The following CCSER1 variants were observed in gnomAD, a reference collection of about 807,000 sequenced individuals.
CCSER1 encodes serine-rich coiled-coil domain-containing protein 1.
Under a neutral mutation model 82.0 loss-of-function variants are expected in CCSER1, and 41 were observed. The observed-to-expected ratio is 0.50, with a 90% CI of 0.39 to 0.65. CCSER1 has a LOEUF of 0.65. Among genes scored for constraint, CCSER1 ranks in the 30% least tolerant of loss-of-function variants. The probability of loss-of-function intolerance (pLI) is 0.00; values close to 1 mark genes in which losing one functional copy is unlikely to be tolerated. For synonymous variants in CCSER1, 414 were observed against 383.9 expected, an observed-to-expected ratio of 1.08 and a Z score of -0.92; for missense variants, 1,119 against 1,064.2, an observed-to-expected ratio of 1.05 and a Z score of -0.72.
rs367574491 is a variant in CCSER1, at chr4:90,210,820, G to A, written c.-42+82989G>A. On this transcript the variant is annotated intron_variant, in intron 1 of 10. Transcript: ENST00000509176. Reference sequence around the variant, plus strand: ...CTAAATGATTGTATGACTTTGTTAGGCAGTGGTTTTGAAAAGCAGAATACT... The same window carrying A: ...CTAAATGATTGTATGACTTTGTTAGACAGTGGTTTTGAAAAGCAGAATACT... Among the ~76,000 whole-genome samples the A allele has an allele frequency of 1.6e-4, 25 of 152,208 alleles. No individual in the cohort carries two copies. The East Asian group carries it at 4.8e-3, about 29-fold the overall frequency.
At chr4:90,291,904 T>C (rs1175086702) in intron 1 of CCSER1, among the ~76,000 whole-genome samples, 1 of 151,982 alleles carries the variant, frequency 6.6e-6, no homozygotes, top group Non-Finnish European at 1.5e-5. Context: ...TCTATTAGAA[T>C]GTTATATTAT....
At chr4:91,006,245 A>G (rs1738492578) in intron 9 of CCSER1, among the ~76,000 whole-genome samples, 1 of 151,478 alleles carries the variant, frequency 6.6e-6, no homozygotes. Flanking sequence ...GGTTAAATTT[A>G]TTCCTGGCGA....
rs1053780736 is a variant in CCSER1, at chr4:90,497,603, A to G, written c.1724+29249A>G. Among the ~76,000 whole-genome samples the G allele has an allele frequency of 2.0e-5, 3 of 152,242 alleles. No individual in the cohort carries two copies. In the South Asian group the frequency reaches 6.2e-4, roughly 32 times the overall value. ...TTGCCAGATTCCACAAAAGAGAAGAAGTAGCTCAATGCAAACATATGTAAC... is the reference window on the plus strand; with the variant it reads ...TTGCCAGATTCCACAAAAGAGAAGAGGTAGCTCAATGCAAACATATGTAAC... On this transcript the variant is annotated intron_variant, in intron 5 of 10. Coordinates refer to ENST00000509176, the MANE Select transcript of CCSER1 (RefSeq NM_001145065.2).
chr4:91,271,136 T>C (rs1741997300), intron 10 of CCSER1, among the ~76,000 whole-genome samples: 1 of 152,194 alleles, frequency 6.6e-6, no homozygotes, highest in Admixed American at 6.5e-5. Context: ...ATCAATATTT[T>C]AGAAAGAAAA....
At chr4:90,835,440 C>T (rs1761688640) in intron 8 of CCSER1, among the ~76,000 whole-genome samples, 1 of 152,154 alleles carries the variant, frequency 6.6e-6, no homozygotes, top group South Asian at 2.1e-4. Flanking sequence ...TGCTATTGGA[C>T]GTATTTGCCA....
chr4:91,084,647 C>T (rs945453970), intron 9 of CCSER1, among the ~76,000 whole-genome samples: 3 of 152,012 alleles, frequency 2.0e-5, no homozygotes, highest in Non-Finnish European at 2.9e-5. Flanking sequence ...GTTTTATATT[C>T]TTTGTCACAT....
chr4:90,210,054 TG>T (rs1473996513), intron 1 of CCSER1, among the ~76,000 whole-genome samples: 4 of 152,212 alleles, frequency 2.6e-5, no homozygotes, highest in Non-Finnish European at 5.9e-5. Context: ...TTGGACTTCC[TG>T]CATAATACTA....
chr4:91,511,457 C>G (rs76650885), intron 10 of CCSER1, among the ~76,000 whole-genome samples: 12,029 of 152,098 alleles, frequency 0.079, 603 homozygotes, highest in South Asian at 0.18. Flanking sequence ...CATAGTAATG[C>G]AATATTTTTT....
intron 10 of CCSER1, among the ~76,000 whole-genome samples, chr4:91,206,888 A>C (rs1736393140): frequency 1.3e-5 from 2 of 151,846 alleles, no homozygotes; most frequent in Admixed American, 1.3e-4. Context: ...GGAATCAACT[A>C]TTTGGGCATT....
chr4:91,568,535 T>C (rs1763008150), intron 10 of CCSER1, among the ~76,000 whole-genome samples: 1 of 152,188 alleles, frequency 6.6e-6, no homozygotes, highest in Non-Finnish European at 1.5e-5. Context: ...CTTGGAAGTT[T>C]TGTTCATTCA....
chr4:90,441,524 C>A (rs901726165), intron 4 of CCSER1, among the ~76,000 whole-genome samples: 1 of 151,946 alleles, frequency 6.6e-6, no homozygotes, highest in African/African-American at 2.4e-5. Flanking sequence ...AACTTTGTGA[C>A]CTTGTCTACA....
intron 10 of CCSER1, among the ~76,000 whole-genome samples, chr4:91,350,144 TTTTG>T (rs147959525): frequency 0.44 from 66,396 of 151,548 alleles, 14,981 homozygotes; most frequent in East Asian, 0.82. Context: ...ACAGTATTAT[TTTTG>T]TTTGTTTTGC....
At chr4:90,811,022 CG>C (rs1482870400) in intron 7 of CCSER1, among the ~76,000 whole-genome samples, 12 of 151,484 alleles carry the variant, frequency 7.9e-5, no homozygotes, top group Admixed American at 5.3e-4. Context: ...TTAGTAGAGA[CG>C]GGGTTTCATT....
chr4:90,688,627 C>A (rs776870786), intron 6 of CCSER1, among the ~76,000 whole-genome samples: 1 of 152,110 alleles, frequency 6.6e-6, no homozygotes, highest in African/African-American at 2.4e-5. Flanking sequence ...TAATTCCTTG[C>A]TGGATGATGT....
intron 7 of CCSER1, chr4:90,780,708 G>A: frequency 3.1e-6 from 4 of 1,306,412 alleles, no homozygotes; most frequent in Non-Finnish European, 3.9e-6. Flanking sequence ...ACGGTCAGGA[G>A]GCCTCCTTGC....
intron 6 of CCSER1, among the ~76,000 whole-genome samples, chr4:90,719,011 T>G (rs1475049496): frequency 1.3e-5 from 2 of 152,110 alleles, no homozygotes; most frequent in East Asian, 3.9e-4. Flanking sequence ...CCGAGTCACA[T>G]TCAGGATACT....
In CCSER1 at chr4:91,100,242, A is replaced by T. The variant is rs188445018; in HGVS notation, c.2217+14248A>T. On this transcript the variant is annotated intron_variant, in intron 10 of 10. Transcript: ENST00000509176. ...TATAAATCAACATTTAATTAAAAGA[A>T]CTACACATTACAAGACCATAATAAT... Among the ~76,000 whole-genome samples, 11 of 152,272 alleles carry T rather than the reference A, an allele frequency of 7.2e-5. No homozygotes were observed. The East Asian group carries it at 1.9e-3, about 27-fold the overall frequency.
intron 3 of CCSER1, among the ~76,000 whole-genome samples, chr4:90,372,183 C>A (rs2153526035): frequency 6.6e-6 from 1 of 152,148 alleles, no homozygotes; most frequent in Non-Finnish European, 1.5e-5. Context: ...AAAAATGATG[C>A]TGAAATCTAA....
chr4:91,463,773 A>G (rs555430338), intron 10 of CCSER1, among the ~76,000 whole-genome samples: 4 of 152,326 alleles, frequency 2.6e-5, no homozygotes, highest in South Asian at 2.1e-4. Flanking sequence ...GATCAAATGA[A>G]TGAAATGAAG....
Sources: allele counts gnomAD v4.1 joint callset (sites outside exome capture counted in the v4.1 genomes callset), GRCh38; gene constraint gnomAD v4.1.1; transcripts MANE v1.5; gene names NCBI Gene and HGNC (gene_info 2026-07-23, HGNC 2026-07-21).